Variants in PRSS3 observed in about 807,000 individuals in gnomAD.
PRSS3 encodes serine protease 3, also known as trypsin-3.
PRSS3 carries 14 observed loss-of-function variants against 20.8 expected under a neutral mutation model. The ratio of observed to expected loss-of-function variants is 0.67; its 90% CI spans 0.44 to 1.05. PRSS3 has a LOEUF of 1.05. PRSS3 is among the 50% of genes least tolerant of loss of function. The pLI is 0.00. For synonymous variants in PRSS3, 91 were observed against 117.6 expected, an observed-to-expected ratio of 0.77 and a Z score of 1.46; for missense variants, 237 against 306.4, an observed-to-expected ratio of 0.77 and a Z score of 1.69.
upstream of PRSS3, among the ~76,000 whole-genome samples, chr9:33,791,534 A>G (rs1367357358): frequency 6.6e-6 from 1 of 152,240 alleles, no homozygotes; most frequent in Non-Finnish European, 1.5e-5. Context: ...TAGAAAAATA[A>G]ATACATACAC....
At chr9:33,786,187 T>A in intron 1 of PRSS3, 1 of 480,370 alleles carries the variant, frequency 2.1e-6, no homozygotes, top group Non-Finnish European at 3.7e-6. Context: ...CACTTCTTAG[T>A]GCCTTTTCTC....
rs189345676 is a variant in PRSS3 at position 33,786,498 on chromosome 9, C to T, written c.-52-8248C>T. The T allele has an allele frequency of 1.5e-4, 113 of 745,322 alleles. No homozygotes were observed. The African/African-American group carries it at 1.7e-3, about 11-fold the overall frequency. 46.2% of individuals were successfully genotyped at this position (745,322 alleles called of 1,614,324 possible). A position where few individuals can be genotyped will look rare whatever the true frequency, so the allele number is the denominator to read the frequency against. On this transcript the variant is annotated intron_variant, in intron 1 of 5. Transcript: ENST00000342836. ...CTTTCCCGTCTGACCCCAAGCTTGT[C>T]GGCCCTCATGAATATCTCTCTGGAA...
chr9:33,776,388 T>A (rs1049465512), intron 1 of PRSS3, among the ~76,000 whole-genome samples: 26 of 152,230 alleles, frequency 1.7e-4, no homozygotes, highest in African/African-American at 5.1e-4. Flanking sequence ...CAGATTTTTT[T>A]AAAAAAAGCT....
chr9:33,785,171 T>TTTTTTTTTTTTTTTTTTG, intron 1 of PRSS3, among the ~76,000 whole-genome samples: 1 of 36,606 alleles, frequency 2.7e-5, no homozygotes, highest in Non-Finnish European at 7.0e-5. Flanking sequence ...TTTTTTTTTT[T>TTTTTTTTTTTTTTTTTTG]TTTTTTTTTT....
At chr9:33,789,560 T>TCCTA (rs763021729) in intron 1 of PRSS3, among the ~76,000 whole-genome samples, 6 of 152,210 alleles carry the variant, frequency 3.9e-5, no homozygotes, top group South Asian at 4.1e-4. Context: ...AAGGAGTGAT[T>TCCTA]CCTATCTAGT....
intron 1 of PRSS3, among the ~76,000 whole-genome samples, chr9:33,754,157 C>T (rs1477184609): frequency 2.0e-5 from 3 of 151,998 alleles, no homozygotes; most frequent in African/African-American, 7.3e-5. Context: ...CTGCAACCTC[C>T]GCTTCCCAGG....
At chr9:33,763,143 C>T (rs554722864) in intron 1 of PRSS3, among the ~76,000 whole-genome samples, 128 of 152,250 alleles carry the variant, frequency 8.4e-4, no homozygotes, top group Non-Finnish European at 1.5e-3. Context: ...TTTAGGAATT[C>T]GGTTTCCTTT....
intron 1 of PRSS3, among the ~76,000 whole-genome samples, chr9:33,751,155 C>A (rs1310332268): frequency 6.6e-6 from 1 of 152,182 alleles, no homozygotes; most frequent in Admixed American, 6.5e-5. Context: ...CGGGAACGCG[C>A]GCCCCCGTGG....
chr9:33,780,674 A>G (rs1243635922), intron 1 of PRSS3, among the ~76,000 whole-genome samples: 1 of 152,214 alleles, frequency 6.6e-6, no homozygotes, highest in African/African-American at 2.4e-5. Flanking sequence ...ACATGTAACA[A>G]CACCCACAGG....
chr9:33,797,138 C>G (rs527615277), intron 2 of PRSS3, among the ~76,000 whole-genome samples: 3 of 151,214 alleles, frequency 2.0e-5, no homozygotes, highest in Non-Finnish European at 4.4e-5. Context: ...TTAACTCAAA[C>G]TTCTCAGGAA....
At chr9:33,772,150 G>C (rs1823737768) in intron 1 of PRSS3, among the ~76,000 whole-genome samples, 1 of 152,142 alleles carries the variant, frequency 6.6e-6, no homozygotes, top group Non-Finnish European at 1.5e-5. Context: ...GGGATTACAG[G>C]CGTAAGCCAC....
intron 1 of PRSS3, chr9:33,786,660 A>T (rs1430353969): frequency 2.2e-5 from 17 of 766,444 alleles, no homozygotes; most frequent in Non-Finnish European, 3.8e-5. Context: ...CAACCTGGAC[A>T]GAGCGTGACA....
At chr9:33,776,467 C>T (rs1252577920) in intron 1 of PRSS3, among the ~76,000 whole-genome samples, 4 of 152,170 alleles carry the variant, frequency 2.6e-5, no homozygotes, top group Admixed American at 1.3e-4. Context: ...AAGCATCACA[C>T]TTCCTGTGTT....
chr9:33,753,905 T>C (rs1280517924), intron 1 of PRSS3, among the ~76,000 whole-genome samples: 1 of 152,186 alleles, frequency 6.6e-6, no homozygotes, highest in African/African-American at 2.4e-5. Context: ...TATGAACTCA[T>C]CTGAGACAGG....
chr9:33,795,644 C>T (rs778713914), intron 1 of PRSS3, 31 bp downstream of exon 1: 2 of 1,612,720 alleles, frequency 1.2e-6, no homozygotes. Context: ...CAGGCCCCAC[C>T]CACCCCCTTT....
intron 1 of PRSS3, among the ~76,000 whole-genome samples, chr9:33,754,916 C>T (rs1446168699): frequency 2.0e-5 from 3 of 152,204 alleles, no homozygotes; most frequent in African/African-American, 7.2e-5. Flanking sequence ...CTAGCAGCAT[C>T]TGCCATAGTG....
intron 1 of PRSS3, among the ~76,000 whole-genome samples, chr9:33,771,124 C>A (rs1823671499): frequency 6.6e-6 from 1 of 152,084 alleles, no homozygotes; most frequent in South Asian, 2.1e-4. Flanking sequence ...CTCACCCAGG[C>A]CTGCTTCCCA....
At chr9:33,783,003 G>A (rs1273471720) in intron 1 of PRSS3, among the ~76,000 whole-genome samples, 1 of 152,158 alleles carries the variant, frequency 6.6e-6, no homozygotes, top group Non-Finnish European at 1.5e-5. Context: ...TAAACAAAGG[G>A]TAGTATATCC....
Position 33,750,885 on chromosome 9 carries a change from G to A in PRSS3, c.-53+158G>A. 7.3e-7 allele frequency: 1 copy of A among 1,365,682 alleles called. No homozygotes were observed. The highest frequency in any genetic ancestry group is 1.8e-5 in the South Asian group (1 of 55,660). The allele number at this position is 1,365,682 out of a possible 1,614,324, so 84.6% of individuals were successfully genotyped here. On this transcript the variant is annotated intron_variant, in intron 1 of 5. Coordinates refer to the PRSS3 transcript ENST00000342836. The surrounding 1 kb of genome is among the most constrained non-coding windows in gnomAD (Gnocchi z 4.8). ...GACAGGGAGGGGATACCGACTGGGA[G>A]GGGCTCAGGGACAGGGATGGAGGCT...
Sources: gnomAD v4.1 joint callset for allele counts (sites outside exome capture counted in the v4.1 genomes callset) on GRCh38, gnomAD v4.1.1 for gene constraint, Gnocchi (gnomAD v3.1) non-coding constraint, MANE v1.5 for transcripts, NCBI Gene and HGNC (gene_info 2026-07-23, HGNC 2026-07-21) for gene names.